Variants in SIL1 observed in about 807,000 individuals in gnomAD.
The protein encoded by SIL1 is SIL1 nucleotide exchange factor, also known as nucleotide exchange factor SIL1.
SIL1 carries 40 observed loss-of-function variants against 49.1 expected under a neutral mutation model. The ratio of observed to expected loss-of-function variants is 0.81; its 90% CI spans 0.63 to 1.06. SIL1 has a LOEUF of 1.06. SIL1 is among the 50% of genes least tolerant of loss of function. The probability of loss-of-function intolerance (pLI) is 0.00; values close to 1 mark genes in which losing one functional copy is unlikely to be tolerated. For missense variants in SIL1, 500 were observed against 572.6 expected, an observed-to-expected ratio of 0.87 and a Z score of 1.29; for synonymous variants, 253 against 250.8, an observed-to-expected ratio of 1.01 and a Z score of -0.08.
At position 139,098,809 on chromosome 5, in the gene SIL1, C is replaced by CTTTTTT. The variant is rs59863544; in HGVS notation, c.244+22220_244+22225dup. ...AAGATTTGAATAGACTTTTCTTACT[C>CTTTTTT]TTTTTTTTTTTTTTTTTTTTTTTTT... On this transcript the variant is annotated intron_variant, in intron 3 of 9. Coordinates refer to ENST00000394817, the MANE Select transcript of SIL1 (RefSeq NM_022464.5). Among the ~76,000 whole-genome samples, 436 of 89,054 alleles carry CTTTTTT rather than the reference C, an allele frequency of 4.9e-3. 12 individuals are homozygous for CTTTTTT. The highest frequency in any genetic ancestry group is 5.8e-3 in the African/African-American group (141 of 24,444). The allele number at this position is 89,054 out of a possible 152,430, so 58.4% of individuals were successfully genotyped here.
chr5:139,138,528 A>G (rs892334179), intron 1 of SIL1, among the ~76,000 whole-genome samples: 3 of 152,130 alleles, frequency 2.0e-5, no homozygotes, highest in African/African-American at 7.2e-5. Flanking sequence ...CTTCCAACCC[A>G]CTACAGTGTA....
intron 3 of SIL1, among the ~76,000 whole-genome samples, chr5:139,100,381 G>A (rs1375952550): frequency 1.3e-5 from 2 of 152,314 alleles, no homozygotes; most frequent in South Asian, 2.1e-4. Flanking sequence ...GACTAGAGGA[G>A]AGGAAATATA....
At chr5:138,952,504 A>G (rs749526360) in intron 7 of SIL1, among the ~76,000 whole-genome samples, 1 of 152,202 alleles carries the variant, frequency 6.6e-6, no homozygotes, top group Admixed American at 6.5e-5. Flanking sequence ...CTCCCACTCT[A>G]TAACAGCAGC....
At chr5:139,041,828 A>C (rs1433511091) in intron 5 of SIL1, among the ~76,000 whole-genome samples, 5 of 152,106 alleles carry the variant, frequency 3.3e-5, no homozygotes, top group East Asian at 3.9e-4. Context: ...CAAAAAAAAA[A>C]AAAAACAAAA....
chr5:139,139,229 T>C (rs968389897), intron 1 of SIL1, among the ~76,000 whole-genome samples: 1 of 152,200 alleles, frequency 6.6e-6, no homozygotes, highest in Non-Finnish European at 1.5e-5. Context: ...TGACAGTATG[T>C]GCGATGGGCT....
At chr5:139,124,173 G>C (rs113229557) in intron 2 of SIL1, among the ~76,000 whole-genome samples, 80 of 152,322 alleles carry the variant, frequency 5.3e-4, no homozygotes, top group African/African-American at 1.9e-3. Context: ...GGTAGCACAG[G>C]AAATCCTCCA....
intron 6 of SIL1, among the ~76,000 whole-genome samples, chr5:139,025,339 C>G (rs1240951570): frequency 6.6e-6 from 1 of 152,166 alleles, no homozygotes; most frequent in Non-Finnish European, 1.5e-5. Flanking sequence ...TCCAGCTCTA[C>G]CACTCACTAG....
intron 5 of SIL1, among the ~76,000 whole-genome samples, chr5:139,038,490 AT>A (rs1768967893): frequency 1.3e-5 from 2 of 152,228 alleles, no homozygotes; most frequent in Non-Finnish European, 2.9e-5. Context: ...CCTGGGCAGC[AT>A]TCCACACTAT....
chr5:139,129,667 G>A (rs1009974121), intron 1 of SIL1, among the ~76,000 whole-genome samples: 14 of 152,246 alleles, frequency 9.2e-5, no homozygotes, highest in South Asian at 2.1e-4. Context: ...GCGAGACTCC[G>A]TCTCAAAAAT....
intron 7 of SIL1, chr5:139,012,637 T>C (rs1210166812): frequency 1.3e-5 from 2 of 152,226 alleles, no homozygotes; most frequent in Admixed American, 6.5e-5. Flanking sequence ...TTTTCTTTTT[T>C]CTTTTTTTGC....
rs1232068044 is a variant in SIL1 at position 139,008,316 on chromosome 5, A to G, written c.767+12855T>C. 2.7e-5 allele frequency among the ~76,000 whole-genome samples: 4 copies of G among 147,358 alleles called. No homozygotes were observed. In the East Asian group the frequency reaches 5.9e-4, roughly 22 times the overall value. On this transcript the variant is annotated intron_variant, in intron 7 of 9. Coordinates refer to ENST00000394817, the MANE Select transcript of SIL1 (RefSeq NM_022464.5). ...TGGGATTGGTGGTGATATCCCCTTT[A>G]TCATTTTTTATTGTGTCTATTTGAT...
chr5:139,087,988 A>C (rs1770260261), intron 3 of SIL1, among the ~76,000 whole-genome samples: 1 of 152,092 alleles, frequency 6.6e-6, no homozygotes, highest in African/African-American at 2.4e-5. Flanking sequence ...GCTGGCATCC[A>C]TGTCCACCAT....
intron 3 of SIL1, among the ~76,000 whole-genome samples, chr5:139,101,102 T>C (rs1208403416): frequency 2.0e-5 from 3 of 152,100 alleles, no homozygotes; most frequent in Non-Finnish European, 4.4e-5. Flanking sequence ...GATACAAATG[T>C]AGCAAGTTTT....
chr5:139,129,184 C>T (rs1012949851), intron 1 of SIL1, among the ~76,000 whole-genome samples: 1 of 152,084 alleles, frequency 6.6e-6, no homozygotes, highest in African/African-American at 2.4e-5. Context: ...CTCACTCTTC[C>T]TGATTTCAAA....
intron 3 of SIL1, among the ~76,000 whole-genome samples, chr5:139,069,118 T>C (rs1229476319): frequency 1.3e-5 from 2 of 151,882 alleles, no homozygotes; most frequent in African/African-American, 4.8e-5. Context: ...CAAGACCTCA[T>C]CTTTACTAAA....
At chr5:139,159,045 G>A (rs528349584) in intron 1 of SIL1, among the ~76,000 whole-genome samples, 63 of 151,974 alleles carry the variant, frequency 4.1e-4, no homozygotes, top group Non-Finnish European at 7.9e-4. Context: ...CCTGGCAACA[G>A]GGCTAATGGA....
chr5:139,100,087 ATT>A (rs1307267347), intron 3 of SIL1, among the ~76,000 whole-genome samples: 1 of 152,182 alleles, frequency 6.6e-6, no homozygotes, highest in Non-Finnish European at 1.5e-5. Flanking sequence ...GTAACATGAA[ATT>A]TTTTTAAAAA....
At chr5:138,999,373 G>C (rs562301065) in intron 7 of SIL1, among the ~76,000 whole-genome samples, 1 of 152,220 alleles carries the variant, frequency 6.6e-6, no homozygotes, top group African/African-American at 2.4e-5. Context: ...AATGCTATTG[G>C]CTGGAAACGA....
At chr5:139,097,828 A>C (rs1770504278) in intron 3 of SIL1, among the ~76,000 whole-genome samples, 1 of 152,198 alleles carries the variant, frequency 6.6e-6, no homozygotes, top group Admixed American at 6.5e-5. Flanking sequence ...TGAAAAAGAA[A>C]TTTAAAAAGT....
Sources: allele counts gnomAD v4.1 joint callset (sites outside exome capture counted in the v4.1 genomes callset), GRCh38; gene constraint gnomAD v4.1.1; transcripts MANE v1.5; gene names NCBI Gene and HGNC (gene_info 2026-07-23, HGNC 2026-07-21).